Variants in NRAP observed in about 807,000 individuals in gnomAD.
The protein encoded by NRAP is nebulin-related-anchoring protein.
NRAP carries 189 observed loss-of-function variants against 225.9 expected under a neutral mutation model. The observed-to-expected ratio is 0.84, with a 90% CI of 0.74 to 0.94. The LOEUF is 0.94. NRAP is among the 40% of genes least tolerant of loss of function. NRAP has a pLI of 0.00. For missense variants in NRAP, 2,176 were observed against 2,168.7 expected (o/e 1.00, Z -0.07); for synonymous variants, 769 against 790.7 (o/e 0.97, Z 0.46).
Position 113,605,862 on chromosome 10 carries a change from T to C in NRAP, c.3815A>G (p.Tyr1272Cys). 1 of 1,612,518 alleles carries C rather than the reference T, an allele frequency of 6.2e-7. No individual in the cohort carries two copies. The highest frequency in any genetic ancestry group is 8.5e-7 in the Non-Finnish European group (1 of 1,178,698). ...ACGAAGATTACGCCAGGACTCTTTG[T>C]ATCTTGCCTAAAGTGGGAACACATG... ...TNAANLSDAR[Y>C]KESWRNLRAQ... Residue 1272 changes from tyrosine (Y) to cysteine (C), a missense_variant, in exon 34 of 42, where the codon TAC becomes TGC. Physicochemically the swap from Tyr to Cys is radical, Grantham distance 194 (BLOSUM62 -2). Transcript: ENST00000359988.
intron 34 of NRAP, 51 bp downstream of exon 34, chr10:113,605,711 A>G (rs1301729320): frequency 8.3e-7 from 1 of 1,206,876 alleles, no homozygotes; most frequent in African/African-American, 1.5e-5. Context: ...ATTGTTTTAC[A>G]TGAAGTTAAC....
At chr10:113,633,339 T>G in intron 15 of NRAP, 151 bp from the exon 16 acceptor site, 1 of 567,786 alleles carries the variant, frequency 1.8e-6, no homozygotes, top group South Asian at 2.3e-5. Flanking sequence ...TGTGAATGTT[T>G]TAAATTAATG....
At position 113,650,246 on chromosome 10, in the gene NRAP, C is replaced by T; in HGVS notation, c.784-105G>A. 4.8e-6 allele frequency: 4 copies of T among 834,062 alleles called. No individual in the cohort carries two copies. The South Asian group carries it at 5.8e-5, about 12-fold the overall frequency. The allele number at this position is 834,062 out of a possible 1,614,324, so 51.7% of individuals were successfully genotyped here. A position where few individuals can be genotyped will look rare whatever the true frequency, so the allele number is the denominator to read the frequency against. On this transcript the variant is annotated intron_variant, in intron 8 of 41. Transcript: ENST00000359988. ...TGGAATGTTCTTTTTCTGCTTGGAT[C>T]TAGGGAGTAGGTATGTCTCAGACAT... is the stretch of plus-strand genomic sequence containing the variant.
Position 113,614,914 on chromosome 10 carries a change from T to A in NRAP, c.3111A>T (p.Arg1037=). Residue 1037 remains arginine, a synonymous_variant, in exon 28 of 42, where the codon CGA becomes CGT. Transcript: ENST00000359988. The stretch of plus-strand genomic sequence containing the variant: ...CCAACCTCAGTTTATAGCCACCATC[T>A]CGAAGTTTGCTCCAGGATTCCTTAT... The part of the protein sequence containing the change: ...TRYKESWSKL[R]DGGYKLRLDA... 6.2e-7 allele frequency: 1 copy of A among 1,612,374 alleles called. No homozygotes were observed. Among genetic ancestry groups the A allele is most frequent in the East Asian group, 2.2e-5 (1 of 44,868 alleles).
intron 32 of NRAP, 81 bp from the exon 33 acceptor site, chr10:113,606,363 A>C: frequency 4.8e-6 from 4 of 830,648 alleles, no homozygotes; most frequent in Non-Finnish European, 5.9e-6. Flanking sequence ...CCTCAACGAT[A>C]GTTGAGGAAA....
rs1850087239 is a variant in NRAP at position 113,653,092 on chromosome 10, A to G, written c.466-53T>C. 21 of 953,874 alleles carry G rather than the reference A, an allele frequency of 2.2e-5. No homozygotes were observed. The South Asian group carries it at 3.2e-4, about 14-fold the overall frequency. The allele number at this position is 953,874 out of a possible 1,614,324, so 59.1% of individuals were successfully genotyped here. A position where few individuals can be genotyped will look rare whatever the true frequency, so the allele number is the denominator to read the frequency against. Reference sequence around the variant, plus strand: ...AGAACTGAGATGATATTGAATGACAACTAAGAAAACCGCAATAAAACCAAT... The same window carrying G: ...AGAACTGAGATGATATTGAATGACAGCTAAGAAAACCGCAATAAAACCAAT... On this transcript the variant is annotated intron_variant, in intron 5 of 41. Transcript: ENST00000359988.
intron 38 of NRAP, among the ~76,000 whole-genome samples, chr10:113,594,773 C>G (rs1323191824): frequency 6.6e-6 from 1 of 152,246 alleles, no homozygotes; most frequent in Non-Finnish European, 1.5e-5. Flanking sequence ...TAGAAGGCGC[C>G]TCTCGCCAAT....
At chr10:113,605,988 C>T in intron 33 of NRAP, 119 bp from the exon 34 acceptor site, 1 of 834,238 alleles carries the variant, frequency 1.2e-6, no homozygotes, top group Non-Finnish European at 2.0e-6. Context: ...TGCAGCAAAT[C>T]TCATTAGTAC....
chr10:113,652,908 A>G (rs775235054), intron 6 of NRAP, 27 bp downstream of exon 6: 4 of 1,493,718 alleles, frequency 2.7e-6, no homozygotes, highest in East Asian at 2.3e-5. Flanking sequence ...AGCATAATCA[A>G]TGGTGAAAAA....
chr10:113,615,937 G>A (rs1350003985), intron 26 of NRAP, 121 bp from the exon 27 acceptor site: 8 of 673,448 alleles, frequency 1.2e-5, no homozygotes, highest in African/African-American at 3.5e-5. Context: ...ACATGATTTC[G>A]GGCACCCTGC....
At chr10:113,608,000 C>T (rs976104004) in intron 32 of NRAP, among the ~76,000 whole-genome samples, 1 of 152,240 alleles carries the variant, frequency 6.6e-6, no homozygotes, top group Non-Finnish European at 1.5e-5. Context: ...AATCCTCCCA[C>T]ATCAGATTGA....
intron 15 of NRAP, among the ~76,000 whole-genome samples, chr10:113,633,868 G>A (rs1442405060): frequency 6.6e-6 from 1 of 152,186 alleles, no homozygotes; most frequent in Non-Finnish European, 1.5e-5. Flanking sequence ...GTGGCCATGA[G>A]TTGATGGCTG....
At chr10:113,625,892 A>AGCCT (rs1444905517) in intron 21 of NRAP, among the ~76,000 whole-genome samples, 155 bp downstream of exon 21, 9 of 152,238 alleles carry the variant, frequency 5.9e-5, no homozygotes, top group Non-Finnish European at 1.0e-4. Flanking sequence ...TTCCAGAAAC[A>AGCCT]GCCTGGAAGC....
At position 113,589,171 on chromosome 10, in the gene NRAP, G is replaced by T. The variant is rs906240762; in HGVS notation, c.5089-92C>A. The T allele has an allele frequency of 7.3e-5, 75 of 1,025,414 alleles. 2 individuals are homozygous for T. In the Middle Eastern group the frequency reaches 9.0e-4, roughly 12 times the overall value. 63.5% of individuals were successfully genotyped at this position (1,025,414 alleles called of 1,614,324 possible). ...CCACAGGACACGCTAAGAAGCACAGGGAGCATTTAACAGGCTCACCCTCCC... is the reference window on the plus strand; with the variant it reads ...CCACAGGACACGCTAAGAAGCACAGTGAGCATTTAACAGGCTCACCCTCCC... On this transcript the variant is annotated intron_variant, in intron 41 of 41. Transcript: ENST00000359988.
intron 7 of NRAP, 121 bp downstream of exon 7, chr10:113,651,682 T>C: frequency 1.6e-6 from 1 of 629,614 alleles, no homozygotes; most frequent in Non-Finnish European, 2.8e-6. Context: ...TGTTCCTTTT[T>C]ATCATTCTAT....
At chr10:113,650,684 G>T (rs1050115837) in intron 7 of NRAP, 139 bp from the exon 8 acceptor site, 35 of 660,580 alleles carry the variant, frequency 5.3e-5, no homozygotes, top group Admixed American at 5.1e-4. Flanking sequence ...ACAGTTTGAT[G>T]GGCCATGTGC....
chr10:113,660,284 C>T (rs1156480929), intron 3 of NRAP, among the ~76,000 whole-genome samples: 1 of 151,964 alleles, frequency 6.6e-6, no homozygotes, highest in Admixed American at 6.6e-5. Flanking sequence ...CATACTCATG[C>T]ACACACATCA....
intron 14 of NRAP, 115 bp downstream of exon 14, chr10:113,640,112 C>A: frequency 1.6e-6 from 1 of 611,700 alleles, no homozygotes; most frequent in Non-Finnish European, 2.9e-6. Flanking sequence ...TCAATCCCTT[C>A]AACCTCTTAT....
At chr10:113,640,447 A>G (rs774522376) in intron 13 of NRAP, 116 bp from the exon 14 acceptor site, 103 of 558,526 alleles carry the variant, frequency 1.8e-4, no homozygotes, top group Non-Finnish European at 2.5e-4. Flanking sequence ...CAGTTTCATC[A>G]CCTTCAAGGA....
Sources: allele counts gnomAD v4.1 joint callset (sites outside exome capture counted in the v4.1 genomes callset), GRCh38; gene constraint gnomAD v4.1.1; transcripts MANE v1.5; gene names NCBI Gene and HGNC (gene_info 2026-07-23, HGNC 2026-07-21).